Variants in ANAPC4 observed in about 807,000 individuals in gnomAD.
The protein encoded by ANAPC4 is anaphase-promoting complex subunit 4.
Under a neutral mutation model 119.8 loss-of-function variants are expected in ANAPC4, and 63 were observed. That is an observed-to-expected ratio of 0.53 (90% CI 0.43 to 0.65). The LOEUF is 0.65. ANAPC4 is among the 30% of genes least tolerant of loss of function. The pLI, the probability that ANAPC4 is intolerant of heterozygous loss-of-function variation, is 0.00. For missense variants in ANAPC4, 716 were observed against 945.1 expected (o/e 0.76, Z 3.18); for synonymous variants, 283 against 318.6 (o/e 0.89, Z 1.19).
chr4:25,417,582 T>C (rs1560451442), intron 27 of ANAPC4, 34 bp from the exon 28 acceptor site: 23 of 1,544,030 alleles, frequency 1.5e-5, no homozygotes, highest in Non-Finnish European at 1.8e-5. Context: ...AAGATCCCCT[T>C]TTCATTCCTG....
At chr4:25,403,494 A>T (rs1252072514) in intron 17 of ANAPC4, among the ~76,000 whole-genome samples, 1 of 152,158 alleles carries the variant, frequency 6.6e-6, no homozygotes, top group Admixed American at 6.5e-5. Context: ...ATTTTAAAAA[A>T]TTTTTGTAAG....
chr4:25,409,761 G>T lies in ANAPC4; in HGVS notation c.1495G>T (p.Asp499Tyr). The T allele has an allele frequency of 6.2e-7, 1 of 1,613,456 alleles. No individual in the cohort carries two copies. Among genetic ancestry groups the T allele is most frequent in the East Asian group, 2.2e-5 (1 of 44,798 alleles). ...TAACACAGAAGGAAACCAGTGGTATGACTTTCTTCAAAATAGCAGCCACCT... is the reference window on the plus strand; with the variant it reads ...TAACACAGAAGGAAACCAGTGGTATTACTTTCTTCAAAATAGCAGCCACCT... ...PPNTEGNQWY[D>Y]FLQNSSHLKE... is the part of the protein sequence containing the mutation. Residue 499 changes from aspartate (D) to tyrosine (Y), a missense_variant, in exon 21 of 29, where the codon GAC (aspartate) becomes TAC (tyrosine). Asp to Tyr is a radical substitution (Grantham distance 160, BLOSUM62 -3). Transcript: ENST00000315368.
intron 16 of ANAPC4, among the ~76,000 whole-genome samples, chr4:25,398,481 C>T (rs925733155): frequency 2.6e-5 from 4 of 152,060 alleles, no homozygotes; most frequent in Non-Finnish European, 4.4e-5. Flanking sequence ...GTTGCAGGGA[C>T]AAGGGCACTA....
chr4:25,395,725 C>T (rs1722610979), intron 14 of ANAPC4, among the ~76,000 whole-genome samples: 1 of 152,162 alleles, frequency 6.6e-6, no homozygotes, highest in Middle Eastern at 3.2e-3. Flanking sequence ...GCTGGGATTA[C>T]AGGCATGAGC....
intron 21 of ANAPC4, 105 bp from the exon 22 acceptor site, chr4:25,413,540 T>A: frequency 3.6e-5 from 25 of 700,898 alleles, no homozygotes; most frequent in East Asian, 6.7e-5. Context: ...AAATTCTACC[T>A]CGAGATAAAC....
In ANAPC4 at chr4:25,396,812, T is replaced by C. The variant is rs1266154473; in HGVS notation, c.1163-36T>C. On this transcript the variant is annotated intron_variant, in intron 15 of 28. Transcript: ENST00000315368. The stretch of plus-strand genomic sequence containing the variant: ...AAATACATTAAACACAGTTTACTTA[T>C]TTGACAAATGACGTTTATTTATTTT... 4 of 1,609,302 alleles carry C rather than the reference T, an allele frequency of 2.5e-6. No individual in the cohort carries two copies. In the South Asian group the frequency reaches 3.3e-5, roughly 13 times the overall value.
chr4:25,391,109 C>T (rs1249664456), intron 9 of ANAPC4, 94 bp downstream of exon 9: 3 of 852,290 alleles, frequency 3.5e-6, no homozygotes, highest in Non-Finnish European at 5.3e-6. Context: ...TTGTAATGAT[C>T]ATTAAAATAA....
intron 20 of ANAPC4, among the ~76,000 whole-genome samples, chr4:25,407,584 AGAAC>A (rs1173779689): frequency 1.3e-5 from 2 of 152,116 alleles, no homozygotes; most frequent in Non-Finnish European, 2.9e-5. Flanking sequence ...CCAGGGCGAC[AGAAC>A]AAGACTCTGT....
intron 16 of ANAPC4, among the ~76,000 whole-genome samples, chr4:25,399,433 A>G (rs559125529): frequency 6.6e-6 from 1 of 151,284 alleles, no homozygotes; most frequent in East Asian, 1.9e-4. Flanking sequence ...CACATCATGT[A>G]TGTATGTATA....
intron 8 of ANAPC4, 39 bp from the exon 9 acceptor site, chr4:25,390,872 G>A: frequency 6.7e-7 from 1 of 1,492,326 alleles, no homozygotes; most frequent in Non-Finnish European, 9.3e-7. Context: ...CAACCTAGCA[G>A]TGATACTAAA....
intron 17 of ANAPC4, among the ~76,000 whole-genome samples, chr4:25,403,832 A>G (rs1385479168): frequency 1.3e-5 from 2 of 152,242 alleles, no homozygotes; most frequent in African/African-American, 4.8e-5. Flanking sequence ...GACCACTTAC[A>G]GCCTGTCTTT....
intron 26 of ANAPC4, chr4:25,416,184 C>A (rs1723861396): frequency 6.5e-6 from 2 of 305,478 alleles, no homozygotes; most frequent in Admixed American, 4.6e-5. Context: ...AGAACTGAAA[C>A]AACTTCACAG....
At chr4:25,394,937 G>A (rs1459437469) in intron 14 of ANAPC4, 32 bp downstream of exon 14, 1 of 1,535,770 alleles carries the variant, frequency 6.5e-7, no homozygotes, top group Non-Finnish European at 9.0e-7. Flanking sequence ...TTTTGGTATT[G>A]TATCCACACA....
chr4:25,414,583 C>A lies in ANAPC4; in HGVS notation c.1725-16C>A, dbSNP rs111437373. ...CATCAATAGTTAAAAAATATTATGA[C>A]AATTTTTTTTCTTAGGTGGAATAAT... On this transcript the variant is annotated splice_polypyrimidine_tract_variant and intron_variant, in intron 24 of 28. Transcript: ENST00000315368. 8.4e-6 allele frequency: 13 copies of A among 1,550,328 alleles called. 1 individual carries two copies. The African/African-American group carries it at 9.7e-5, about 12-fold the overall frequency.
chr4:25,415,420 C>G (rs749369647), intron 25 of ANAPC4, 46 bp from the exon 26 acceptor site: 107 of 1,430,172 alleles, frequency 7.5e-5, no homozygotes, highest in Admixed American at 1.6e-4. Context: ...ATTGACTATC[C>G]AGGTTGTTCC....
chr4:25,397,805 G>T (rs1722741928), intron 16 of ANAPC4, among the ~76,000 whole-genome samples: 1 of 147,712 alleles, frequency 6.8e-6, no homozygotes, highest in African/African-American at 2.5e-5. Context: ...TTGATATGTT[G>T]AAATTTCATA....
At chr4:25,404,563 T>C (rs547083732) in intron 17 of ANAPC4, among the ~76,000 whole-genome samples, 1 of 152,252 alleles carries the variant, frequency 6.6e-6, no homozygotes, top group Admixed American at 6.5e-5. Flanking sequence ...GAATCCTTAC[T>C]ACATATTCTA....
At chr4:25,378,323 G>A (rs757881189) in intron 2 of ANAPC4, among the ~76,000 whole-genome samples, 2 of 152,192 alleles carry the variant, frequency 1.3e-5, no homozygotes, top group Admixed American at 6.5e-5. Flanking sequence ...GAGTTGTATA[G>A]AGCCAAATTT....
intron 4 of ANAPC4, among the ~76,000 whole-genome samples, chr4:25,385,972 C>T (rs1007979510): frequency 2.0e-5 from 3 of 151,934 alleles, no homozygotes; most frequent in Admixed American, 1.3e-4. Flanking sequence ...CTCTTATTGC[C>T]CAGGCTGGAG....
Sources: gnomAD v4.1 joint callset for allele counts (sites outside exome capture counted in the v4.1 genomes callset) on GRCh38, gnomAD v4.1.1 for gene constraint, MANE v1.5 for transcripts, NCBI Gene and HGNC (gene_info 2026-07-23, HGNC 2026-07-21) for gene names.